Variants in HEXB observed in about 807,000 individuals in gnomAD.
The protein encoded by HEXB is hexosaminidase subunit beta, also known as beta-hexosaminidase subunit beta.
Under a neutral mutation model 71.2 loss-of-function variants are expected in HEXB, and 51 were observed. The ratio of observed to expected loss-of-function variants is 0.72; its 90% CI spans 0.57 to 0.90. The LOEUF (loss-of-function observed/expected upper bound fraction) is 0.90, where lower values mean the gene tolerates loss of function less well. HEXB is among the 40% of genes least tolerant of loss of function. The pLI, the probability that HEXB is intolerant of heterozygous loss-of-function variation, is 0.00. For synonymous variants in HEXB, 266 were observed against 249.3 expected (o/e 1.07, Z -0.63); for missense variants, 617 against 677.0 (o/e 0.91, Z 0.98).
intron 1 of HEXB, among the ~76,000 whole-genome samples, chr5:74,661,971 A>T (rs1234600369): frequency 6.6e-6 from 1 of 152,040 alleles, no homozygotes; most frequent in Non-Finnish European, 1.5e-5. Context: ...ACCTTATTTG[A>T]TCTTTATGAC....
intron 1 of HEXB, among the ~76,000 whole-genome samples, chr5:74,677,487 CTTCTTTTT>C (rs775650194): frequency 0.13 from 16,378 of 129,078 alleles, 844 homozygotes; most frequent in East Asian, 0.23. Flanking sequence ...TTTTCTTCTT[CTTCTTTTT>C]TTTTTTTTTT....
At chr5:74,665,420 G>A (rs536416314) in intron 1 of HEXB, among the ~76,000 whole-genome samples, 208 of 152,134 alleles carry the variant, frequency 1.4e-3, no homozygotes, top group African/African-American at 4.7e-3. Flanking sequence ...TTCTCTGTGT[G>A]TGTGTGTGTG....
intron 1 of HEXB, among the ~76,000 whole-genome samples, chr5:74,649,860 CT>C (rs1304428624): frequency 2.0e-5 from 3 of 152,198 alleles, no homozygotes; most frequent in Admixed American, 1.3e-4. Flanking sequence ...AATCAAATTG[CT>C]CTTTTAAATT....
chr5:74,647,641 T>C (rs761757335), intron 1 of HEXB, among the ~76,000 whole-genome samples: 1 of 152,200 alleles, frequency 6.6e-6, no homozygotes, highest in Non-Finnish European at 1.5e-5. Context: ...CGTAAGTAAT[T>C]TTAGAAAACA....
chr5:74,673,944 C>T (rs1748584935), intron 1 of HEXB, among the ~76,000 whole-genome samples: 1 of 152,094 alleles, frequency 6.6e-6, no homozygotes, highest in Admixed American at 6.5e-5. Flanking sequence ...TCTGTTCTGT[C>T]AATCTACAAT....
At chr5:74,707,105 A>G (rs1294048574) in intron 6 of HEXB, among the ~76,000 whole-genome samples, 1 of 152,174 alleles carries the variant, frequency 6.6e-6, no homozygotes, top group African/African-American at 2.4e-5. Flanking sequence ...TTCCAGAGGA[A>G]CGATCAGACA....
chr5:74,654,421 C>A (rs552911444), intron 1 of HEXB, among the ~76,000 whole-genome samples: 2 of 152,216 alleles, frequency 1.3e-5, no homozygotes, highest in African/African-American at 4.8e-5. Flanking sequence ...ATGGCTGTAA[C>A]CACAGAATCA....
chr5:74,654,051 G>A (rs4704151), intron 1 of HEXB, among the ~76,000 whole-genome samples: 44,055 of 151,890 alleles, frequency 0.29, 7,036 homozygotes, highest in African/African-American at 0.4. Context: ...GAGTCCTCCC[G>A]GCTCCATCCT....
chr5:74,699,403 T>G (rs1334313413), intron 5 of HEXB, among the ~76,000 whole-genome samples: 2 of 151,910 alleles, frequency 1.3e-5, no homozygotes, highest in East Asian at 3.9e-4. Context: ...GTCTCTCGAG[T>G]AGCTGGGATT....
intron 9 of HEXB, 99 bp downstream of exon 9, chr5:74,716,772 A>G (rs1010632187): frequency 1.3e-6 from 1 of 777,242 alleles, no homozygotes; most frequent in African/African-American, 1.7e-5. Flanking sequence ...TCCTTTGCCT[A>G]AGTGTAGATG....
At chr5:74,662,233 GT>G (rs150154649) in intron 1 of HEXB, among the ~76,000 whole-genome samples, 8,748 of 151,786 alleles carry the variant, frequency 0.058, 900 homozygotes, top group African/African-American at 0.2. Context: ...ATTTTCAGAA[GT>G]TTTTCACCTA....
At chr5:74,656,387 G>T (rs1454460587) in intron 1 of HEXB, among the ~76,000 whole-genome samples, 1 of 151,992 alleles carries the variant, frequency 6.6e-6, no homozygotes, top group South Asian at 2.1e-4. Context: ...GCTGAGGCAA[G>T]AGAATCACTT....
At chr5:74,716,250 C>T (rs1292097665) in intron 8 of HEXB, among the ~76,000 whole-genome samples, 5 of 152,000 alleles carry the variant, frequency 3.3e-5, no homozygotes, top group Middle Eastern at 3.4e-3. Flanking sequence ...CAAAAAAAGA[C>T]TACTGTGAAA....
Position 74,685,474 on chromosome 5 carries a change from C to T in HEXB, c.214C>T (p.Leu72Phe), listed in dbSNP as rs147155126. ...GAAGATGACCCCGAACCTGCTGCAT[C>T]TCGCCCCGGAGAACTTCTACATCAG... The part of the protein sequence containing the change: ...LVKMTPNLLH[L>F]APENFYISHS... The change falls in exon 1 of 14, where the codon CTC (leucine) becomes TTC (phenylalanine). Residue 72 changes from leucine (L) to phenylalanine (F), a missense_variant. Physicochemically the swap from Leu to Phe is conservative, Grantham distance 22. Coordinates refer to ENST00000261416, the MANE Select transcript of HEXB (RefSeq NM_000521.4). 16,234 of 1,611,790 alleles carry T rather than the reference C, an allele frequency of 0.01. 113 individuals are homozygous for T. Among genetic ancestry groups the T allele is most frequent in the Non-Finnish European group, 0.011 (13,353 of 1,179,166 alleles).
At chr5:74,663,240 G>T (rs1748362800) in intron 1 of HEXB, among the ~76,000 whole-genome samples, 1 of 152,064 alleles carries the variant, frequency 6.6e-6, no homozygotes, top group Non-Finnish European at 1.5e-5. Flanking sequence ...GCCCAGGCTG[G>T]AATGCAATGG....
intron 3 of HEXB, among the ~76,000 whole-genome samples, chr5:74,694,660 T>C (rs920512239): frequency 2.0e-5 from 3 of 152,130 alleles, no homozygotes; most frequent in African/African-American, 7.2e-5. Context: ...TAACCAAACT[T>C]AGTCATTAAA....
chr5:74,696,791 GA>G, intron 4 of HEXB, 52 bp downstream of exon 4: 5 of 938,508 alleles, frequency 5.3e-6, no homozygotes, highest in Non-Finnish European at 8.7e-6. Flanking sequence ...ATTGCTAATA[GA>G]AAAAAATGTA....
chr5:74,700,908 A>G lies in HEXB; in HGVS notation c.669+3802A>G, dbSNP rs536576780. 6.6e-5 allele frequency among the ~76,000 whole-genome samples: 10 copies of G among 152,162 alleles called. No homozygotes were observed. In the East Asian group the frequency reaches 1.2e-3, roughly 18 times the overall value. On this transcript the variant is annotated intron_variant, in intron 5 of 13. Coordinates refer to ENST00000261416, the MANE Select transcript of HEXB (RefSeq NM_000521.4). ...TTTTTAGTAGAGGCAGGGTTTTACC[A>G]TGTTGGCCAGGCTGATCTTGAACTC...
intron 1 of HEXB, among the ~76,000 whole-genome samples, chr5:74,671,149 A>G (rs1037854795): frequency 6.6e-6 from 1 of 152,048 alleles, no homozygotes; most frequent in African/African-American, 2.4e-5. Context: ...ACAGTAAGGG[A>G]CAACAATGCC....
Sources: gnomAD v4.1 joint callset for allele counts (sites outside exome capture counted in the v4.1 genomes callset) on GRCh38, gnomAD v4.1.1 for gene constraint, MANE v1.5 for transcripts, NCBI Gene and HGNC (gene_info 2026-07-23, HGNC 2026-07-21) for gene names.